Variants in BNC1 observed in about 807,000 individuals in gnomAD.
BNC1 encodes zinc finger protein basonuclin-1.
In BNC1, 8 loss-of-function variants were observed where a neutral mutation model predicts 66.5. The observed-to-expected ratio is 0.12, with a 90% CI of 0.07 to 0.22. The LOEUF is 0.22. BNC1 is among the 10% of genes least tolerant of loss of function. The pLI, the probability that BNC1 is intolerant of heterozygous loss-of-function variation, is 1.00. For synonymous variants in BNC1, 454 were observed against 452.6 expected, an observed-to-expected ratio of 1.00 and a Z score of -0.04; for missense variants, 1,069 against 1,241.3, an observed-to-expected ratio of 0.86 and a Z score of 2.09.
intron 1 of BNC1, among the ~76,000 whole-genome samples, 163 bp downstream of exon 1, chr15:83,284,367 G>C (rs1309547455): frequency 1.3e-5 from 2 of 151,486 alleles, no homozygotes; most frequent in Admixed American, 6.6e-5. Context: ...CGGAGACCAC[G>C]GTCCCTCCCG....
At chr15:83,283,115 G>A in intron 1 of BNC1, 5 of 1,535,342 alleles carry the variant, frequency 3.3e-6, no homozygotes, top group Non-Finnish European at 4.4e-6. Context: ...TTAAGGCTGG[G>A]AGATGGCATT....
chr15:83,268,071 A>G, intron 2 of BNC1, 62 bp downstream of exon 2: 1 of 1,367,606 alleles, frequency 7.3e-7, no homozygotes, highest in Non-Finnish European at 1.0e-6. Context: ...TCAGTTCCTG[A>G]ATAACTCTAA....
intron 1 of BNC1, among the ~76,000 whole-genome samples, chr15:83,279,911 G>GT (rs1456129485): frequency 6.6e-6 from 1 of 152,192 alleles, no homozygotes; most frequent in Non-Finnish European, 1.5e-5. Flanking sequence ...CAGGTGGGAG[G>GT]TAGAGCTCCT....
Position 83,257,247 on chromosome 15 carries a change from T to C in BNC1, c.*195A>G. 4 of 634,408 alleles carry C rather than the reference T, an allele frequency of 6.3e-6. No individual in the cohort carries two copies. Among genetic ancestry groups the C allele is most frequent in the Non-Finnish European group, 1.1e-5 (4 of 375,698 alleles). 39.3% of individuals were successfully genotyped at this position (634,408 alleles called of 1,614,324 possible). On this transcript the variant is annotated 3_prime_UTR_variant, in exon 5 of 5. Coordinates refer to ENST00000345382, the MANE Select transcript of BNC1 (RefSeq NM_001717.4). ...AGACCTCTTGGGCTAAGAAAAATAA[T>C]AGGAAGGGCTGCCCCAGTGTCATCT...
In BNC1 at chr15:83,258,011, G is replaced by C. The variant is rs773439437; in HGVS notation, c.2416C>G (p.Gln806Glu). The C allele has an allele frequency of 5.6e-6, 9 of 1,614,008 alleles. No individual in the cohort carries two copies. The highest frequency in any genetic ancestry group is 6.8e-6 in the Non-Finnish European group (8 of 1,179,994). ...LLKDVAKEAY[Q>E]DVAFTQQASQ... ...GCTTGCTGTGTAAAAGCCACATCCTGATAGGCTTCCTTAGCCACATCTTTC... is the reference window on the plus strand; with the variant it reads ...GCTTGCTGTGTAAAAGCCACATCCTCATAGGCTTCCTTAGCCACATCTTTC... Residue 806 changes from glutamine (Q) to glutamate (E), a missense_variant, in exon 5 of 5, where the codon CAG becomes GAG. Coordinates refer to ENST00000345382, the MANE Select transcript of BNC1 (RefSeq NM_001717.4).
In BNC1 at chr15:83,283,464, C is replaced by T. The variant is rs1022673323; in HGVS notation, c.99+1066G>A. On this transcript the variant is annotated intron_variant, in intron 1 of 4. Coordinates refer to ENST00000345382, the MANE Select transcript of BNC1 (RefSeq NM_001717.4). ...CTCCCAGCACGGAACCGACGGGGCG[C>T]TCCCGAGACGGGCGAGCCACGCGCT... 1.4e-5 allele frequency: 17 copies of T among 1,210,686 alleles called. No individual in the cohort carries two copies. In the African/African-American group the frequency reaches 2.2e-4, roughly 16 times the overall value. The allele number at this position is 1,210,686 out of a possible 1,614,324, so 75.0% of individuals were successfully genotyped here.
intron 2 of BNC1, 103 bp from the exon 3 acceptor site, chr15:83,267,174 A>G: frequency 2.5e-6 from 2 of 793,392 alleles, no homozygotes; most frequent in Non-Finnish European, 4.1e-6. Flanking sequence ...TATTTATTCC[A>G]CAGAAAATAC....
chr15:83,269,415 A>T (rs1475305814), intron 1 of BNC1, among the ~76,000 whole-genome samples: 1 of 151,502 alleles, frequency 6.6e-6, no homozygotes, highest in Non-Finnish European at 1.5e-5. Flanking sequence ...AAGAGTCTTG[A>T]AACTGGGAAG....
At chr15:83,281,780 G>A (rs1281657340) in intron 1 of BNC1, among the ~76,000 whole-genome samples, 1 of 152,332 alleles carries the variant, frequency 6.6e-6, no homozygotes, top group Non-Finnish European at 1.5e-5. Flanking sequence ...TGACAAATGT[G>A]TGCTTAGGGA....
chr15:83,259,704 G>A (rs967810452), intron 4 of BNC1, among the ~76,000 whole-genome samples: 1 of 152,160 alleles, frequency 6.6e-6, no homozygotes, highest in Admixed American at 6.5e-5. Flanking sequence ...GTAAAGAAAG[G>A]TCCCTACTGG....
chr15:83,283,704 C>T (rs1270103781), intron 1 of BNC1, among the ~76,000 whole-genome samples: 1 of 152,232 alleles, frequency 6.6e-6, no homozygotes, highest in Non-Finnish European at 1.5e-5. Flanking sequence ...GCCCAAGCGC[C>T]TTAGCCCCGT....
chr15:83,274,223 A>G (rs1168336532), intron 1 of BNC1, among the ~76,000 whole-genome samples: 1 of 152,122 alleles, frequency 6.6e-6, no homozygotes, highest in Non-Finnish European at 1.5e-5. Flanking sequence ...TCTCTACTAA[A>G]CAATACAAAA....
chr15:83,266,455 A>G (rs1358446814), intron 3 of BNC1, among the ~76,000 whole-genome samples: 1 of 152,206 alleles, frequency 6.6e-6, no homozygotes, highest in Non-Finnish European at 1.5e-5. Flanking sequence ...TGTGTGGTTC[A>G]TGTAAGTTCC....
intron 1 of BNC1, 131 bp downstream of exon 1, chr15:83,284,399 C>T: frequency 1.9e-6 from 1 of 524,600 alleles, no homozygotes; most frequent in Non-Finnish European, 2.5e-6. Flanking sequence ...GGCCGCGCTG[C>T]CGCGCAGGTA....
Position 83,258,027 on chromosome 15 carries a change from C to G in BNC1, c.2400G>C (p.Val800=). 6.2e-7 allele frequency: 1 copy of G among 1,614,020 alleles called. No individual in the cohort carries two copies. Among genetic ancestry groups the G allele is most frequent in the Non-Finnish European group, 8.5e-7 (1 of 1,179,902 alleles). Residue 800 remains valine (V), a synonymous_variant, in exon 5 of 5, where the codon GTG becomes GTC. Coordinates refer to ENST00000345382, the MANE Select transcript of BNC1 (RefSeq NM_001717.4). ...HFRAAYLLKD[V]AKEAYQDVAF... ...CCACATCCTGATAGGCTTCCTTAGCCACATCTTTCAGAAGGTAAGCTGCAC... is the reference window on the plus strand; with the variant it reads ...CCACATCCTGATAGGCTTCCTTAGCGACATCTTTCAGAAGGTAAGCTGCAC...
At chr15:83,258,612 T>C (rs1483375737) in intron 4 of BNC1, among the ~76,000 whole-genome samples, 1 of 152,166 alleles carries the variant, frequency 6.6e-6, no homozygotes, top group Non-Finnish European at 1.5e-5. Context: ...CTAAATCAAC[T>C]AGACTAGTTT....
intron 4 of BNC1, among the ~76,000 whole-genome samples, chr15:83,262,167 C>A (rs976664777): frequency 6.6e-6 from 1 of 151,730 alleles, no homozygotes; most frequent in Non-Finnish European, 1.5e-5. Flanking sequence ...CCTGCCTCTG[C>A]CTTCCCAGTG....
intron 4 of BNC1, 72 bp downstream of exon 4, chr15:83,262,879 G>T (rs139078962): frequency 5.7e-6 from 8 of 1,412,242 alleles, no homozygotes; most frequent in Non-Finnish European, 5.7e-6. Context: ...ACAATTCTCC[G>T]GGTGATTCTG....
chr15:83,265,765 G>T (rs566368936), intron 3 of BNC1, among the ~76,000 whole-genome samples: 1 of 152,260 alleles, frequency 6.6e-6, no homozygotes, highest in South Asian at 2.1e-4. Context: ...CTAGTGAAAT[G>T]ACTTTCAGCA....
Sources: allele counts gnomAD v4.1 joint callset (sites outside exome capture counted in the v4.1 genomes callset), GRCh38; gene constraint gnomAD v4.1.1; transcripts MANE v1.5; gene names NCBI Gene and HGNC (gene_info 2026-07-23, HGNC 2026-07-21).